The following ZNF536 variants were observed in gnomAD, a reference collection of about 807,000 sequenced individuals.
ZNF536 encodes the protein zinc finger protein 536.
ZNF536 carries 13 observed loss-of-function variants against 84.5 expected under a neutral mutation model. The observed-to-expected ratio is 0.15, with a 90% confidence interval of 0.10 to 0.24. The LOEUF (loss-of-function observed/expected upper bound fraction) is 0.24, where lower values mean the gene tolerates loss of function less well. Ranked by LOEUF, ZNF536 falls within the 10% of genes least tolerant of loss-of-function variation. The pLI, the probability that ZNF536 is intolerant of heterozygous loss-of-function variation, is 1.00. For synonymous variants in ZNF536, 811 were observed against 742.5 expected (o/e 1.09, Z -1.50); for missense variants, 1,536 against 1,747.5 (o/e 0.88, Z 2.16).
At chr19:30,626,356 GTTAT>G (rs2048677724) in intron 1 of ZNF536, among the ~76,000 whole-genome samples, 2 of 151,518 alleles carry the variant, frequency 1.3e-5, no homozygotes, top group Admixed American at 6.6e-5. Flanking sequence ...TTTTCTGGGG[GTTAT>G]TTTTTTTTTC....
Position 30,444,897 on chromosome 19 carries a change from C to T in ZNF536, c.1335C>T (p.Gly445=), listed in dbSNP as rs1249110714. The stretch of plus-strand genomic sequence containing the variant: ...GCTTCATGACCCCGGACAAAGCCGG[C>T]CTGAGCGAGCCCAGCCAGCTCTATG... ...QSGFMTPDKA[G]LSEPSQLYGK... The change falls in exon 2 of 5, where the codon GGC becomes GGT. Residue 445 remains glycine, a synonymous_variant. Coordinates refer to ENST00000355537, the MANE Select transcript of ZNF536 (RefSeq NM_014717.3). The T allele has an allele frequency of 6.2e-7, 1 of 1,611,088 alleles. No homozygotes were observed. Among genetic ancestry groups the T allele is most frequent in the Non-Finnish European group, 8.5e-7 (1 of 1,178,776 alleles).
At chr19:30,388,176 T>C (rs1225881419) in intron 1 of ZNF536, among the ~76,000 whole-genome samples, 2 of 152,184 alleles carry the variant, frequency 1.3e-5, no homozygotes, top group Non-Finnish European at 2.9e-5. Context: ...TGAGTCAGAA[T>C]GAACGGTGGC....
At chr19:30,534,045 T>C (rs1976550045) in intron 2 of ZNF536, among the ~76,000 whole-genome samples, 1 of 152,268 alleles carries the variant, frequency 6.6e-6, no homozygotes. Context: ...GGCAGCCATA[T>C]GTAAATTTTA....
rs991713917 is a variant in ZNF536, at chr19:30,430,972, G to T, written c.-2-12589G>T. Among the ~76,000 whole-genome samples the T allele has an allele frequency of 2.0e-5, 3 of 152,230 alleles. No homozygotes were observed. The East Asian group carries it at 5.8e-4, about 29-fold the overall frequency. On this transcript the variant is annotated intron_variant, in intron 1 of 4. Transcript: ENST00000355537. ...ATTATTGGCATGAGCCACCTCGCCT[G>T]CCCATTGGGAGTCCTTTTTCAAAAC... is the stretch of plus-strand genomic sequence containing the variant.
At chr19:30,363,310 C>T (rs1053373780) in intron 3 of ZNF536, among the ~76,000 whole-genome samples, 3 of 152,186 alleles carry the variant, frequency 2.0e-5, no homozygotes, top group Non-Finnish European at 2.9e-5. Context: ...GGATGACCCT[C>T]GGTGGCACTG....
At chr19:30,416,815 A>G (rs758359323) in intron 1 of ZNF536, among the ~76,000 whole-genome samples, 1 of 152,104 alleles carries the variant, frequency 6.6e-6, no homozygotes, top group Non-Finnish European at 1.5e-5. Context: ...GTGTTGGATA[A>G]TACTTGGCAC....
At chr19:30,284,787 G>A (rs566463678) in intron 2 of ZNF536, among the ~76,000 whole-genome samples, 6 of 152,148 alleles carry the variant, frequency 3.9e-5, no homozygotes, top group African/African-American at 1.2e-4. Context: ...CTGACCACAC[G>A]TCTCAGAGGT....
intron 1 of ZNF536, among the ~76,000 whole-genome samples, chr19:30,598,426 C>T (rs1333452893): frequency 6.6e-6 from 1 of 152,122 alleles, no homozygotes; most frequent in Non-Finnish European, 1.5e-5. Flanking sequence ...CACTCTGAGC[C>T]ACATAAATAA....
intron 1 of ZNF536, among the ~76,000 whole-genome samples, chr19:30,439,784 G>A (rs960243332): frequency 1.3e-5 from 2 of 152,046 alleles, no homozygotes; most frequent in Admixed American, 6.5e-5. Flanking sequence ...GGCAGTGACG[G>A]TCAGTTAAGT....
chr19:30,597,463 G>T (rs1376689384), intron 1 of ZNF536, among the ~76,000 whole-genome samples: 1 of 152,232 alleles, frequency 6.6e-6, no homozygotes, highest in Non-Finnish European at 1.5e-5. Context: ...GGGAGTGCAG[G>T]ACATCACAGA....
intron 1 of ZNF536, among the ~76,000 whole-genome samples, chr19:30,590,136 C>G (rs958843521): frequency 6.6e-6 from 1 of 152,174 alleles, no homozygotes; most frequent in Non-Finnish European, 1.5e-5. Context: ...TGATGTTGGC[C>G]ATGTCAACCC....
chr19:30,394,709 C>T (rs1453060922), intron 1 of ZNF536, among the ~76,000 whole-genome samples: 5 of 152,130 alleles, frequency 3.3e-5, no homozygotes, highest in Non-Finnish European at 5.9e-5. Context: ...TTTTCTACTC[C>T]CAGTTCAGCC....
chr19:30,485,403 A>G (rs2054266149), intron 2 of ZNF536, among the ~76,000 whole-genome samples: 1 of 152,138 alleles, frequency 6.6e-6, no homozygotes, highest in South Asian at 2.1e-4. Flanking sequence ...CAATTTTAGA[A>G]CATTTCTATC....
At position 30,429,838 on chromosome 19, in the gene ZNF536, G is replaced by T. The variant is rs149875560; in HGVS notation, c.-2-13723G>T. 1.7e-3 allele frequency among the ~76,000 whole-genome samples: 253 copies of T among 152,316 alleles called. 3 individuals are homozygous for T. Among genetic ancestry groups the T allele is most frequent in the African/African-American group, 5.9e-3 (246 of 41,570 alleles). ...AAGTAGCTAGGGAGTCAACAGGAGA[G>T]TGGAGTTTGAAAAAGGCACGTTGAA... On this transcript the variant is annotated intron_variant, in intron 1 of 4. Transcript: ENST00000355537.
chr19:30,620,290 T>C (rs976089332), intron 1 of ZNF536, among the ~76,000 whole-genome samples: 2 of 151,922 alleles, frequency 1.3e-5, no homozygotes, highest in Non-Finnish European at 2.9e-5. Flanking sequence ...AAAATAAAGG[T>C]TCTGGGTCTT....
intron 1 of ZNF536, among the ~76,000 whole-genome samples, chr19:30,252,430 AG>A (rs1433456849): frequency 1.3e-5 from 2 of 152,004 alleles, no homozygotes; most frequent in Admixed American, 6.6e-5. Context: ...AAGCCTCTGG[AG>A]GTTGGAAGGC....
chr19:30,545,649 G>T (rs1488433100), intron 3 of ZNF536, among the ~76,000 whole-genome samples: 1 of 151,670 alleles, frequency 6.6e-6, no homozygotes, highest in Admixed American at 6.6e-5. Context: ...CTCTTGCCTC[G>T]GCCTCCCAAA....
intron 1 of ZNF536, among the ~76,000 whole-genome samples, chr19:30,268,222 C>A (rs972298573): frequency 6.6e-6 from 1 of 152,004 alleles, no homozygotes; most frequent in Non-Finnish European, 1.5e-5. Context: ...CTCATCAGGA[C>A]CCACTTTAGT....
At chr19:30,620,477 C>A (rs1472578385) in intron 1 of ZNF536, among the ~76,000 whole-genome samples, 1 of 152,084 alleles carries the variant, frequency 6.6e-6, no homozygotes, top group East Asian at 1.9e-4. Flanking sequence ...TGACATTCAC[C>A]CAGATGGGGA....
Sources: gnomAD v4.1 joint callset for allele counts (sites outside exome capture counted in the v4.1 genomes callset) on GRCh38, gnomAD v4.1.1 for gene constraint, MANE v1.5 for transcripts, NCBI Gene and HGNC (gene_info 2026-07-23, HGNC 2026-07-21) for gene names.